Variants in TSTD2 observed in about 807,000 individuals in gnomAD.
The protein encoded by TSTD2 is thiosulfate sulfurtransferase like domain containing 2.
TSTD2 carries 37 observed loss-of-function variants against 47.9 expected under a neutral mutation model. The observed-to-expected ratio is 0.77, with a 90% CI of 0.59 to 1.02. The LOEUF is 1.02. TSTD2 is among the 50% of genes least tolerant of loss of function. TSTD2 has a pLI of 0.00. For missense variants in TSTD2, 586 were observed against 616.0 expected, an observed-to-expected ratio of 0.95 and a Z score of 0.52; for synonymous variants, 201 against 215.9, an observed-to-expected ratio of 0.93 and a Z score of 0.61.
intron 3 of TSTD2, among the ~76,000 whole-genome samples, chr9:97,619,345 G>C (rs77448066): frequency 0.025 from 3,778 of 152,230 alleles, 166 homozygotes; most frequent in African/African-American, 0.086. Context: ...AACTGTGCAG[G>C]TCCACTTACT....
At position 97,600,226 on chromosome 9, in the gene TSTD2, A is replaced by G; in HGVS notation, c.*2243T>C. ...AATTGATTACTGGATCCAGAACACA[A>G]TTTTCCCCTCAGAACAGATAGACAG... On this transcript the variant is annotated 3_prime_UTR_variant, in exon 10 of 10. Coordinates refer to ENST00000341170, the MANE Select transcript of TSTD2 (RefSeq NM_139246.5). 8.1e-6 allele frequency: 8 copies of G among 993,084 alleles called. No homozygotes were observed. Among genetic ancestry groups the G allele is most frequent in the Non-Finnish European group, 9.6e-6 (8 of 833,792 alleles). 61.5% of individuals were successfully genotyped at this position (993,084 alleles called of 1,614,324 possible).
chr9:97,602,676 T>C lies in TSTD2; in HGVS notation c.1344A>G (p.Gln448=), dbSNP rs1435451456. 8 of 1,614,094 alleles carry C rather than the reference T, an allele frequency of 5.0e-6. No individual in the cohort carries two copies. The highest frequency in any genetic ancestry group is 6.8e-6 in the Non-Finnish European group (8 of 1,180,040). ...CACAACAGGCTGTGAATCCTTGTCCTTGACAGGCAGGGCAGGTCAAAACGA... is the reference window on the plus strand; with the variant it reads ...CACAACAGGCTGTGAATCCTTGTCCCTGACAGGCAGGGCAGGTCAAAACGA... ...RQLVLTCPAC[Q]GQGFTACCVT... is the part of the protein sequence containing the mutation. The change falls in exon 10 of 10, where the codon CAA becomes CAG. Residue 448 remains glutamine (Q), a synonymous_variant. Transcript: ENST00000341170.
chr9:97,617,542 A>G (rs1202887299), intron 4 of TSTD2, among the ~76,000 whole-genome samples: 6 of 152,244 alleles, frequency 3.9e-5, no homozygotes, highest in Non-Finnish European at 7.3e-5. Flanking sequence ...GTTCTTCAAG[A>G]AAAAGTTTGC....
chr9:97,611,495 C>T, intron 5 of TSTD2, 79 bp downstream of exon 5: 1 of 1,471,244 alleles, frequency 6.8e-7, no homozygotes, highest in South Asian at 1.4e-5. Flanking sequence ...TATTTCTCTA[C>T]TTTGAACTCC....
At chr9:97,610,677 G>A (rs1219499114) in intron 5 of TSTD2, among the ~76,000 whole-genome samples, 4 of 152,228 alleles carry the variant, frequency 2.6e-5, no homozygotes, top group Non-Finnish European at 1.5e-5. Flanking sequence ...TTCTTTAGGT[G>A]TAAGCATTTA....
Position 97,625,757 on chromosome 9 carries a change from C to A in TSTD2, c.406G>T (p.Glu136Ter), listed in dbSNP as rs1272188222. The A allele has an allele frequency of 2.5e-6, 4 of 1,614,018 alleles. No homozygotes were observed. In the African/African-American group the frequency reaches 5.3e-5, roughly 22 times the overall value. The change falls in exon 3 of 10, where the codon GAG becomes TAG. Residue 136 changes from glutamate to a stop codon, truncating the protein, a stop_gained. Coordinates refer to ENST00000341170, the MANE Select transcript of TSTD2 (RefSeq NM_139246.5). LOFTEE classifies it high-confidence loss of function. ...ACGTCATGGCTATGTGGAAGGCACT[C>A]TTTTAAAGGGTTCTTTTCATCTGCA... is the stretch of plus-strand genomic sequence containing the variant. ...SSADEKNPLK[E>*]CLPHSHDVSA...
At chr9:97,618,283 G>A (rs1826578024) in intron 3 of TSTD2, among the ~76,000 whole-genome samples, 1 of 152,138 alleles carries the variant, frequency 6.6e-6, no homozygotes, top group Non-Finnish European at 1.5e-5. Flanking sequence ...TTTCTATGAT[G>A]CAGGTTATTA....
At chr9:97,619,106 A>G (rs755520828) in intron 3 of TSTD2, among the ~76,000 whole-genome samples, 16 of 152,204 alleles carry the variant, frequency 1.1e-4, no homozygotes, top group Admixed American at 2.0e-4. Flanking sequence ...CGTCCTATAT[A>G]ACTCATTCTG....
At position 97,625,864 on chromosome 9, in the gene TSTD2, T is replaced by C. The variant is rs575567532; in HGVS notation, c.299A>G (p.His100Arg). ...TSIHRHVATQ[H>R]ADEIYHQTAS... is the part of the protein sequence containing the mutation. Reference sequence around the variant, plus strand: ...TGTCTGGTGATAAATTTCATCAGCATGTTGTGTTGCCACATGTCTATGGAT... The same window carrying C: ...TGTCTGGTGATAAATTTCATCAGCACGTTGTGTTGCCACATGTCTATGGAT... Residue 100 changes from histidine (H) to arginine (R), a missense_variant, in exon 3 of 10, where the codon CAT (histidine) becomes CGT (arginine). Coordinates refer to ENST00000341170, the MANE Select transcript of TSTD2 (RefSeq NM_139246.5). 3.5e-5 allele frequency: 57 copies of C among 1,614,178 alleles called. No homozygotes were observed. The highest frequency in any genetic ancestry group is 3.3e-4 in the Middle Eastern group (2 of 6,058).
At position 97,601,783 on chromosome 9, in the gene TSTD2, A is replaced by T. The variant is rs946038728; in HGVS notation, c.*686T>A. ...ACTGCATGGCTGCACTTATATATGG[A>T]TTTTTTTCAACCATACAGGTTGAAA... is the stretch of plus-strand genomic sequence containing the variant. On this transcript the variant is annotated 3_prime_UTR_variant, in exon 10 of 10. Coordinates refer to ENST00000341170, the MANE Select transcript of TSTD2 (RefSeq NM_139246.5). 5.8e-6 allele frequency: 1 copy of T among 171,428 alleles called. No individual in the cohort carries two copies. The highest frequency in any genetic ancestry group is 2.4e-5 in the African/African-American group (1 of 41,796). The allele number at this position is 171,428 out of a possible 1,614,324, so 10.6% of individuals were successfully genotyped here.
At position 97,625,685 on chromosome 9, in the gene TSTD2, T is replaced by C; in HGVS notation, c.478A>G (p.Ile160Val). 1.2e-6 allele frequency: 2 copies of C among 1,601,780 alleles called. No individual in the cohort carries two copies. Among genetic ancestry groups the C allele is most frequent in the Non-Finnish European group, 8.5e-7 (1 of 1,173,308 alleles). ...DISCFNPDELISGQGSEEGEV... is the reference protein window; with the variant it reads ...DISCFNPDELVSGQGSEEGEV... ...AATACAGAATGAAAATCTTACCTTA[T>C]CAGCTCATCAGGGTTAAAGCAGCTT... The change falls in exon 3 of 10, where the codon ATA becomes GTA. Residue 160 changes from isoleucine (I) to valine (V), a missense_variant. Physicochemically the swap from Ile to Val is conservative, Grantham distance 29 (BLOSUM62 3). Coordinates refer to ENST00000341170, the MANE Select transcript of TSTD2 (RefSeq NM_139246.5).
At chr9:97,620,610 GATA>G (rs1314027245) in intron 3 of TSTD2, among the ~76,000 whole-genome samples, 2 of 152,194 alleles carry the variant, frequency 1.3e-5, no homozygotes, top group African/African-American at 4.8e-5. Context: ...CCAAAATGCT[GATA>G]ATGATATGGA....
Position 97,625,857 on chromosome 9 carries a change from A to G in TSTD2, c.306T>C (p.Asp102=). The G allele has an allele frequency of 1.2e-6, 2 of 1,614,190 alleles. No homozygotes were observed. Among genetic ancestry groups the G allele is most frequent in the African/African-American group, 2.7e-5 (2 of 75,068 alleles). Reference sequence around the variant, plus strand: ...TAGAAGCTGTCTGGTGATAAATTTCATCAGCATGTTGTGTTGCCACATGTC... The same window carrying G: ...TAGAAGCTGTCTGGTGATAAATTTCGTCAGCATGTTGTGTTGCCACATGTC... ...IHRHVATQHA[D]EIYHQTASIL... The change falls in exon 3 of 10, where the codon GAT becomes GAC. Residue 102 remains aspartate (D), a synonymous_variant. Coordinates refer to ENST00000341170, the MANE Select transcript of TSTD2 (RefSeq NM_139246.5).
intron 1 of TSTD2, among the ~76,000 whole-genome samples, chr9:97,631,121 G>C (rs1172750250): frequency 6.6e-6 from 1 of 152,146 alleles, no homozygotes; most frequent in Non-Finnish European, 1.5e-5. Context: ...CACTTGTTCA[G>C]AAAATACTTT....
At chr9:97,611,076 GAA>G (rs139703142) in intron 5 of TSTD2, 4,853 of 153,882 alleles carry the variant, frequency 0.032, 126 homozygotes, top group Non-Finnish European at 0.051. Context: ...GTGACTCAGT[GAA>G]AGAATGGGGA....
chr9:97,612,470 A>G (rs1443655012), intron 4 of TSTD2, among the ~76,000 whole-genome samples: 3 of 152,382 alleles, frequency 2.0e-5, no homozygotes, highest in South Asian at 2.1e-4. Context: ...CCTATAGTGT[A>G]TAAGTATTCC....
At chr9:97,622,032 T>C (rs1338896823) in intron 3 of TSTD2, among the ~76,000 whole-genome samples, 4 of 152,078 alleles carry the variant, frequency 2.6e-5, no homozygotes, top group African/African-American at 9.7e-5. Flanking sequence ...TTCTCTGTTT[T>C]GTACTCTTTC....
At position 97,602,682 on chromosome 9, in the gene TSTD2, G is replaced by A. The variant is rs1564005042; in HGVS notation, c.1338C>T (p.Ala446=). 3 of 1,614,234 alleles carry A rather than the reference G, an allele frequency of 1.9e-6. No homozygotes were observed. Among genetic ancestry groups the A allele is most frequent in the Non-Finnish European group, 2.5e-6 (3 of 1,180,046 alleles). ...AGGCTGTGAATCCTTGTCCTTGACAGGCAGGGCAGGTCAAAACGAGCTGGC... is the reference window on the plus strand; with the variant it reads ...AGGCTGTGAATCCTTGTCCTTGACAAGCAGGGCAGGTCAAAACGAGCTGGC... ...QCRQLVLTCP[A]CQGQGFTACC... Residue 446 remains alanine, a synonymous_variant, in exon 10 of 10, where the codon GCC becomes GCT. Coordinates refer to ENST00000341170, the MANE Select transcript of TSTD2 (RefSeq NM_139246.5).
chr9:97,627,476 A>C lies in TSTD2; in HGVS notation c.87T>G (p.Ser29Arg). 1 of 1,613,572 alleles carries C rather than the reference A, an allele frequency of 6.2e-7. No individual in the cohort carries two copies. Among genetic ancestry groups the C allele is most frequent in the Non-Finnish European group, 8.5e-7 (1 of 1,179,666 alleles). ...TAAGACTGCTGCTGGGATTAATAAG[A>C]CTCATATCTTTTAAATCCAGGTCAG... The part of the protein sequence containing the change: ...RFSDLDLKDM[S>R]LINPSSSLKA... Residue 29 changes from serine to arginine, a missense_variant, in exon 2 of 10, where the codon AGT becomes AGG. Ser to Arg is a moderately radical substitution (Grantham distance 110, BLOSUM62 -1). Coordinates refer to ENST00000341170, the MANE Select transcript of TSTD2 (RefSeq NM_139246.5).
Sources: gnomAD v4.1 joint callset for allele counts (sites outside exome capture counted in the v4.1 genomes callset) on GRCh38, gnomAD v4.1.1 for gene constraint, MANE v1.5 for transcripts, NCBI Gene and HGNC (gene_info 2026-07-23, HGNC 2026-07-21) for gene names.